Variants in PTPRD observed in about 807,000 individuals in gnomAD.
PTPRD encodes protein tyrosine phosphatase receptor type D.
In PTPRD, 34 loss-of-function variants were observed where a neutral mutation model predicts 214.5. That is an observed-to-expected ratio of 0.16 (90% CI 0.12 to 0.21). The LOEUF (loss-of-function observed/expected upper bound fraction) is 0.21. Ranked by LOEUF, PTPRD falls within the 10% of genes least tolerant of loss-of-function variation. The pLI, the probability that PTPRD is intolerant of heterozygous loss-of-function variation, is 1.00. For missense variants in PTPRD, 2,545 were observed against 2,398.7 expected (o/e 1.06, Z -1.27); for synonymous variants, 1,128 against 845.7 (o/e 1.33, Z -5.79).
At chr9:9,007,761 C>A (rs2099485707) in intron 11 of PTPRD, among the ~76,000 whole-genome samples, 1 of 149,068 alleles carries the variant, frequency 6.7e-6, no homozygotes, top group African/African-American at 2.4e-5. Context: ...GTTTACACCC[C>A]CCAAAGGTTG....
chr9:10,025,048 G>C (rs2096897369), intron 4 of PTPRD, among the ~76,000 whole-genome samples: 1 of 151,776 alleles, frequency 6.6e-6, no homozygotes, highest in African/African-American at 2.4e-5. Flanking sequence ...CATTTGGGTT[G>C]GTTCCAAGTC....
At chr9:9,642,463 C>T (rs892573501) in intron 7 of PTPRD, among the ~76,000 whole-genome samples, 1 of 152,124 alleles carries the variant, frequency 6.6e-6, no homozygotes, top group Admixed American at 6.5e-5. Flanking sequence ...TGCATACTTT[C>T]ACCTAGACAT....
chr9:9,454,837 A>C (rs1027955137), intron 8 of PTPRD, among the ~76,000 whole-genome samples: 1 of 151,354 alleles, frequency 6.6e-6, no homozygotes, highest in Non-Finnish European at 1.5e-5. Flanking sequence ...TCTCATATAT[A>C]CATATATATA....
intron 8 of PTPRD, among the ~76,000 whole-genome samples, chr9:9,450,053 G>T (rs1440571312): frequency 6.6e-6 from 1 of 151,754 alleles, no homozygotes; most frequent in East Asian, 1.9e-4. Context: ...GCGCTGCAAA[G>T]GCCATTATTT....
intron 3 of PTPRD, among the ~76,000 whole-genome samples, chr9:10,161,025 C>T (rs1420166879): frequency 6.6e-6 from 1 of 151,768 alleles, no homozygotes; most frequent in African/African-American, 2.4e-5. Context: ...ATATAAAAAT[C>T]CTGTAGGAGA....
chr9:9,815,425 T>A (rs918878972), intron 5 of PTPRD, among the ~76,000 whole-genome samples: 3 of 152,154 alleles, frequency 2.0e-5, no homozygotes, highest in Admixed American at 2.0e-4. Context: ...AAAGGAAACG[T>A]AGAGAAAAGT....
intron 7 of PTPRD, among the ~76,000 whole-genome samples, chr9:9,620,508 C>A (rs1593246345): frequency 6.6e-6 from 1 of 152,066 alleles, no homozygotes; most frequent in East Asian, 1.9e-4. Flanking sequence ...AATATTAAGC[C>A]CTTTCTTACA....
intron 3 of PTPRD, among the ~76,000 whole-genome samples, chr9:10,240,488 A>C (rs772849614): frequency 1.3e-4 from 20 of 152,084 alleles, no homozygotes; most frequent in Non-Finnish European, 2.4e-4. Context: ...ATAAAAGATC[A>C]CATTTATACT....
intron 3 of PTPRD, among the ~76,000 whole-genome samples, chr9:10,106,484 CAAAG>C (rs1435384965): frequency 2.7e-4 from 41 of 151,810 alleles, no homozygotes; most frequent in African/African-American, 8.2e-4. Flanking sequence ...TATAGTAACA[CAAAG>C]AAAGAAAGAA....
chr9:9,663,099 T>C (rs1006033695), intron 7 of PTPRD, among the ~76,000 whole-genome samples: 2 of 151,650 alleles, frequency 1.3e-5, no homozygotes, highest in East Asian at 1.9e-4. Context: ...CAAGCTGTTA[T>C]GTGTGTGTTT....
At chr9:10,301,567 G>C (rs146295517) in intron 3 of PTPRD, among the ~76,000 whole-genome samples, 39 of 152,150 alleles carry the variant, frequency 2.6e-4, no homozygotes, top group African/African-American at 8.9e-4. Context: ...GTATAGAGAA[G>C]AACATAAATA....
At chr9:8,974,476 C>T (rs1003619660) in intron 11 of PTPRD, among the ~76,000 whole-genome samples, 3 of 151,930 alleles carry the variant, frequency 2.0e-5, no homozygotes, top group African/African-American at 7.2e-5. Context: ...TATACATGCG[C>T]CATGGTGGTT....
chr9:8,720,132 G>A (rs1034865420), intron 12 of PTPRD, among the ~76,000 whole-genome samples: 4 of 152,206 alleles, frequency 2.6e-5, no homozygotes, highest in African/African-American at 9.6e-5. Context: ...TCACTCATAT[G>A]GCTTATAGTC....
intron 10 of PTPRD, among the ~76,000 whole-genome samples, chr9:9,058,213 TATG>T (rs1386232356): frequency 6.6e-6 from 1 of 152,088 alleles, no homozygotes; most frequent in African/African-American, 2.4e-5. Flanking sequence ...CAACACAGCC[TATG>T]ATGGAGTCAC....
chr9:9,589,969 G>A (rs918954894), intron 7 of PTPRD, among the ~76,000 whole-genome samples: 1 of 151,852 alleles, frequency 6.6e-6, no homozygotes, highest in Non-Finnish European at 1.5e-5. Context: ...CATACATTGT[G>A]ATTCTCATTA....
chr9:10,402,837 A>G (rs2098293115), intron 2 of PTPRD, among the ~76,000 whole-genome samples: 1 of 151,656 alleles, frequency 6.6e-6, no homozygotes, highest in African/African-American at 2.4e-5. Flanking sequence ...CTTTCTTTCA[A>G]AACCATGAAT....
chr9:8,924,235 C>CT (rs1567027922), intron 11 of PTPRD, among the ~76,000 whole-genome samples: 2 of 86,106 alleles, frequency 2.3e-5, no homozygotes, highest in Non-Finnish European at 4.7e-5. Flanking sequence ...AAGTATCAAC[C>CT]CAAAATTTTT....
At chr9:10,373,970 T>C (rs1019237760) in intron 2 of PTPRD, among the ~76,000 whole-genome samples, 1 of 152,108 alleles carries the variant, frequency 6.6e-6, no homozygotes, top group Non-Finnish European at 1.5e-5. Flanking sequence ...ATCTACCTGG[T>C]TGGTGTTTGG....
At chr9:9,365,800 A>G (rs1383553952) in intron 9 of PTPRD, among the ~76,000 whole-genome samples, 1 of 151,442 alleles carries the variant, frequency 6.6e-6, no homozygotes, top group Non-Finnish European at 1.5e-5. Flanking sequence ...TTTCACAACT[A>G]AAGGCCTCAT....
Sources: gnomAD v4.1 joint callset for allele counts (sites outside exome capture counted in the v4.1 genomes callset) on GRCh38, gnomAD v4.1.1 for gene constraint, MANE v1.5 for transcripts, NCBI Gene and HGNC (gene_info 2026-07-23, HGNC 2026-07-21) for gene names.